Variants in MGRN1 observed in about 807,000 individuals in gnomAD.
The protein encoded by MGRN1 is E3 ubiquitin-protein ligase MGRN1.
A neutral mutation model predicts 69.2 loss-of-function variants in MGRN1; 29 were observed. The observed-to-expected ratio is 0.42, with a 90% CI of 0.31 to 0.57. The LOEUF is 0.57. Among genes scored for constraint, MGRN1 ranks in the 20% least tolerant of loss-of-function variants. MGRN1 has a pLI of 0.15. For synonymous variants in MGRN1, 470 were observed against 344.2 expected (o/e 1.37, Z -4.04); for missense variants, 998 against 796.2 (o/e 1.25, Z -3.05).
At chr16:4,662,441 A>G (rs1409352404) in intron 5 of MGRN1, among the ~76,000 whole-genome samples, 2 of 151,120 alleles carry the variant, frequency 1.3e-5, no homozygotes, top group Non-Finnish European at 2.9e-5. Context: ...GCTTGAACCC[A>G]GGGGGTGGAG....
intron 14 of MGRN1, 99 bp downstream of exon 14, chr16:4,683,045 G>C: frequency 6.8e-7 from 1 of 1,465,512 alleles, no homozygotes; most frequent in Non-Finnish European, 9.1e-7. Flanking sequence ...CCGCCTGGGC[G>C]CCCCCGTGCT....
intron 9 of MGRN1, chr16:4,672,501 G>A (rs776442095): frequency 2.0e-5 from 9 of 456,254 alleles, no homozygotes; most frequent in South Asian, 4.6e-5. Context: ...GCCGGGCCTC[G>A]CCTCAACCCA....
At chr16:4,675,329 T>G (rs538361030) in intron 10 of MGRN1, among the ~76,000 whole-genome samples, 4 of 152,188 alleles carry the variant, frequency 2.6e-5, no homozygotes, top group African/African-American at 9.7e-5. Flanking sequence ...CAGCCTGGTC[T>G]CGAACTCTTG....
rs779810790 is a variant in MGRN1 at position 4,627,877 on chromosome 16, A to C, written c.88+2829A>C. On this transcript the variant is annotated intron_variant, in intron 1 of 16. Coordinates refer to ENST00000262370, the MANE Select transcript of MGRN1 (RefSeq NM_015246.4). ...AGGTGGATCACAAGGTCAGGAGATC[A>C]AGACCATCCTGGCTAACACCGTGAA... Among the ~76,000 whole-genome samples, 71 of 143,498 alleles carry C rather than the reference A, an allele frequency of 4.9e-4. 1 individual carries two copies. Among genetic ancestry groups the C allele is most frequent in the Admixed American group, 2.1e-3 (30 of 14,516 alleles). The allele number at this position is 143,498 out of a possible 152,430, so 94.1% of individuals were successfully genotyped here. A position where few individuals can be genotyped will look rare whatever the true frequency, so the allele number is the denominator to read the frequency against.
rs1225656925 is a variant in MGRN1, at chr16:4,664,762, G to C, written c.615G>C (p.Val205=). Reference sequence around the variant, plus strand: ...TTCCAGTAGTCATCCAGGCTGTGGTGGACGAAGGAGATGGTGAGTGCGTCC... The same window carrying C: ...TTCCAGTAGTCATCCAGGCTGTGGTCGACGAAGGAGATGGTGAGTGCGTCC... The part of the protein sequence containing the change: ...GVFPVVIQAV[V]DEGDVVEVTG... Residue 205 remains valine, a synonymous_variant, in exon 6 of 17, where the codon GTG becomes GTC. Transcript: ENST00000262370. 1.2e-6 allele frequency: 2 copies of C among 1,614,244 alleles called. No individual in the cohort carries two copies. The highest frequency in any genetic ancestry group is 1.7e-6 in the Non-Finnish European group (2 of 1,180,048).
intron 5 of MGRN1, 191 bp from the exon 6 acceptor site, chr16:4,664,518 C>G (rs919812427): frequency 3.3e-6 from 2 of 609,038 alleles, no homozygotes; most frequent in African/African-American, 1.9e-5. Flanking sequence ...TGTGTTGTAT[C>G]TGTTTTAACA....
intron 5 of MGRN1, among the ~76,000 whole-genome samples, chr16:4,657,992 T>A (rs2078590411): frequency 6.6e-6 from 1 of 151,324 alleles, no homozygotes. Context: ...TCCGCCGGCC[T>A]CGGCCTCCCA....
At chr16:4,688,693 G>A (rs1596324840) in intron 16 of MGRN1, 103 bp from the exon 17 acceptor site, 14 of 1,455,880 alleles carry the variant, frequency 9.6e-6, no homozygotes, top group Middle Eastern at 2.0e-4. Flanking sequence ...GGGAGTGGGG[G>A]TGCTGGATGG....
chr16:4,646,508 G>T (rs367752625), intron 1 of MGRN1, among the ~76,000 whole-genome samples: 3 of 152,024 alleles, frequency 2.0e-5, no homozygotes, highest in Non-Finnish European at 4.4e-5. Flanking sequence ...TCACAGGCCC[G>T]GCATGCCGGT....
chr16:4,666,475 A>G lies in MGRN1; in HGVS notation c.678+1324A>G, dbSNP rs561741664. Among the ~76,000 whole-genome samples, 4 of 152,282 alleles carry G rather than the reference A, an allele frequency of 2.6e-5. No homozygotes were observed. The South Asian group carries it at 6.2e-4, about 24-fold the overall frequency. The stretch of plus-strand genomic sequence containing the variant: ...TACTTGGAGTGTGTTGAGGGAGAAC[A>G]TTGTAGACTGAGGCCAGCCCTGTAG... On this transcript the variant is annotated intron_variant, in intron 7 of 16. Coordinates refer to ENST00000262370, the MANE Select transcript of MGRN1 (RefSeq NM_015246.4).
chr16:4,675,596 G>C (rs2079036456), intron 10 of MGRN1, among the ~76,000 whole-genome samples: 1 of 152,090 alleles, frequency 6.6e-6, no homozygotes, highest in African/African-American at 2.4e-5. Context: ...AAGTTAGCCA[G>C]ATGTGTTGGC....
intron 5 of MGRN1, among the ~76,000 whole-genome samples, chr16:4,660,512 G>A (rs1239645656): frequency 6.6e-6 from 1 of 152,242 alleles, no homozygotes; most frequent in East Asian, 1.9e-4. Context: ...TCACTCAGAG[G>A]CTCCTCAGAG....
chr16:4,657,944 G>A (rs1466978740), intron 5 of MGRN1, among the ~76,000 whole-genome samples: 3 of 151,146 alleles, frequency 2.0e-5, no homozygotes, highest in Admixed American at 2.0e-4. Flanking sequence ...GGGTTTCACC[G>A]TGTTAGCCAG....
At chr16:4,683,729 G>T in intron 15 of MGRN1, 114 bp from the exon 16 acceptor site, 2 of 837,626 alleles carry the variant, frequency 2.4e-6, no homozygotes, top group Non-Finnish European at 1.9e-6. Context: ...ACAAGCCTGG[G>T]GTCCCCACAG....
chr16:4,664,298 G>A (rs1286803009), intron 5 of MGRN1: 9 of 272,954 alleles, frequency 3.3e-5, no homozygotes, highest in Non-Finnish European at 5.0e-5. Flanking sequence ...TAAATGACAG[G>A]TCCAAAAATG....
chr16:4,633,431 C>G lies in MGRN1; in HGVS notation c.88+8383C>G, dbSNP rs1025473520. 4.6e-5 allele frequency among the ~76,000 whole-genome samples: 7 copies of G among 151,218 alleles called. No individual in the cohort carries two copies. In the East Asian group the frequency reaches 1.4e-3, roughly 30 times the overall value. ...AATTGGCTGGGTGCCGTGGCTCACACCTGTAATCTCAGCACTTTGGGAGGC... is the reference window on the plus strand; with the variant it reads ...AATTGGCTGGGTGCCGTGGCTCACAGCTGTAATCTCAGCACTTTGGGAGGC... On this transcript the variant is annotated intron_variant, in intron 1 of 16. Transcript: ENST00000262370.
chr16:4,663,541 C>T (rs1208616600), intron 5 of MGRN1, among the ~76,000 whole-genome samples: 1 of 152,034 alleles, frequency 6.6e-6, no homozygotes, highest in African/African-American at 2.4e-5. Flanking sequence ...TTTTTCTTCC[C>T]AGAATAAACA....
At chr16:4,678,021 G>A (rs187813209) in intron 11 of MGRN1, among the ~76,000 whole-genome samples, 1 of 152,090 alleles carries the variant, frequency 6.6e-6, no homozygotes, top group African/African-American at 2.4e-5. Flanking sequence ...CTAATGTTTT[G>A]TATTTTTAGT....
rs371173413 is a variant in MGRN1, at chr16:4,681,606, C to T, written c.1188C>T (p.Asn396=). The part of the protein sequence containing the change: ...YEPISLLEAL[N]GLRAVSPAIP... ...CCATCTCGCTGCTCGAGGCGCTCAA[C>T]GGCCTCCGGGCTGTCTCCCCGGCCA... The change falls in exon 13 of 17, where the codon AAC becomes AAT. Residue 396 remains asparagine, a synonymous_variant. Transcript: ENST00000262370. 72 of 1,613,422 alleles carry T rather than the reference C, an allele frequency of 4.5e-5. No individual in the cohort carries two copies. The highest frequency in any genetic ancestry group is 6.7e-5 in the Admixed American group (4 of 60,016).
Sources: allele counts gnomAD v4.1 joint callset (sites outside exome capture counted in the v4.1 genomes callset), GRCh38; gene constraint gnomAD v4.1.1; transcripts MANE v1.5; gene names NCBI Gene and HGNC (gene_info 2026-07-23, HGNC 2026-07-21).